HIVEP3: variants seen among roughly 807,000 people sequenced by gnomAD.
HIVEP3 encodes the protein transcription factor HIVEP3.
Under a neutral mutation model 152.8 loss-of-function variants are expected in HIVEP3, and 49 were observed. That is an observed-to-expected ratio of 0.32 (90% CI 0.26 to 0.41). The LOEUF (loss-of-function observed/expected upper bound fraction) is 0.41. Ranked by LOEUF, HIVEP3 falls within the 10% of genes least tolerant of loss-of-function variation. The pLI is 1.00. For missense variants in HIVEP3, 2,790 were observed against 3,103.3 expected, an observed-to-expected ratio of 0.90 and a Z score of 2.40; for synonymous variants, 1,269 against 1,289.0, an observed-to-expected ratio of 0.98 and a Z score of 0.33.
chr1:41,641,358 A>G (rs1038379608), intron 2 of HIVEP3, among the ~76,000 whole-genome samples: 2 of 152,040 alleles, frequency 1.3e-5, no homozygotes, highest in Admixed American at 1.3e-4. Context: ...CTAAGAGGGG[A>G]AGCCTGGTGA....
At chr1:41,630,110 A>G (rs1022671397) in intron 2 of HIVEP3, among the ~76,000 whole-genome samples, 2 of 152,200 alleles carry the variant, frequency 1.3e-5, no homozygotes, top group African/African-American at 4.8e-5. Context: ...AAAGAACAAA[A>G]TCATGTCCTT....
Position 41,511,950 on chromosome 1 carries a change from T to TA in HIVEP3, c.6406-685dup, listed in dbSNP as rs1642435889. On this transcript the variant is annotated intron_variant, in intron 8 of 8. Coordinates refer to ENST00000372583, the MANE Select transcript of HIVEP3 (RefSeq NM_024503.5). The surrounding 1 kb of genome is among the most constrained non-coding windows in gnomAD (Gnocchi z 4.9). ...ACAGTGGTGGTGCTGGCCATGGGGA[T>TA]AGTGCTGATGGTTGACAAGGATGAT... Among the ~76,000 whole-genome samples the TA allele has an allele frequency of 6.6e-6, 1 of 152,060 alleles. No homozygotes were observed. The highest frequency in any genetic ancestry group is 1.5e-5 in the Non-Finnish European group (1 of 68,018).
intron 1 of HIVEP3, among the ~76,000 whole-genome samples, chr1:41,709,050 G>A (rs538483830): frequency 5.8e-4 from 88 of 152,316 alleles, no homozygotes; most frequent in African/African-American, 1.9e-3. Context: ...AGAATCTGGG[G>A]AAGATGTTCC....
At chr1:41,791,316 C>T (rs1649680768) in intron 1 of HIVEP3, among the ~76,000 whole-genome samples, 1 of 152,236 alleles carries the variant, frequency 6.6e-6, no homozygotes, top group South Asian at 2.1e-4. Flanking sequence ...CCCCTTAGCA[C>T]TTTGCTGAAA....
intron 3 of HIVEP3, among the ~76,000 whole-genome samples, chr1:41,622,722 T>C (rs60541895): frequency 0.064 from 9,775 of 152,232 alleles, 875 homozygotes; most frequent in East Asian, 0.41. Context: ...GTCAGATTTG[T>C]GTTTCACGTT....
At chr1:41,728,458 C>T (rs1421321476) in intron 1 of HIVEP3, among the ~76,000 whole-genome samples, 1 of 151,456 alleles carries the variant, frequency 6.6e-6, no homozygotes, top group Non-Finnish European at 1.5e-5. Context: ...GCTGGTTCTG[C>T]CAAGGCGACA....
chr1:41,880,929 A>C (rs1369789477), intron 1 of HIVEP3, among the ~76,000 whole-genome samples: 2 of 152,204 alleles, frequency 1.3e-5, no homozygotes, highest in Non-Finnish European at 2.9e-5. Context: ...TAACCAAACT[A>C]AGGCATAAAG....
chr1:41,769,960 TTTTG>T (rs1023392662), intron 1 of HIVEP3, among the ~76,000 whole-genome samples: 2 of 152,132 alleles, frequency 1.3e-5, no homozygotes, highest in African/African-American at 2.4e-5. Context: ...TAAAATTGTT[TTTTG>T]TTTGTTTGTT....
intron 2 of HIVEP3, among the ~76,000 whole-genome samples, chr1:41,696,844 T>C (rs1299537918): frequency 1.3e-5 from 2 of 152,220 alleles, no homozygotes; most frequent in Non-Finnish European, 2.9e-5. Flanking sequence ...AGGTGAATTT[T>C]TTTTCCTCTA....
At chr1:41,706,206 C>A (rs1236453942) in intron 1 of HIVEP3, among the ~76,000 whole-genome samples, 1 of 152,278 alleles carries the variant, frequency 6.6e-6, no homozygotes, top group East Asian at 1.9e-4. Flanking sequence ...AACCCTTACC[C>A]CCTTTCCTCC....
intron 3 of HIVEP3, among the ~76,000 whole-genome samples, chr1:41,592,599 G>GT (rs1294398821): frequency 6.6e-6 from 1 of 152,184 alleles, no homozygotes; most frequent in African/African-American, 2.4e-5. Context: ...GACTGACTGA[G>GT]AGGTGGACTG....
chr1:41,810,159 C>T (rs1043902127), intron 1 of HIVEP3, among the ~76,000 whole-genome samples: 5 of 152,180 alleles, frequency 3.3e-5, no homozygotes, highest in Admixed American at 6.5e-5. Context: ...GCCCACAAGA[C>T]CTGGACTGAT....
At chr1:42,033,158 C>T (rs990873728) in intron 1 of HIVEP3, among the ~76,000 whole-genome samples, 8 of 152,082 alleles carry the variant, frequency 5.3e-5, no homozygotes, top group African/African-American at 1.9e-4. Context: ...GCCTGACTTC[C>T]CATGATTCTG....
At chr1:41,989,238 T>C (rs557528850) in intron 1 of HIVEP3, among the ~76,000 whole-genome samples, 135 of 152,332 alleles carry the variant, frequency 8.9e-4, no homozygotes, top group African/African-American at 3.2e-3. Flanking sequence ...AAACAAATGA[T>C]AATTATATGT....
intron 1 of HIVEP3, among the ~76,000 whole-genome samples, chr1:41,959,230 A>G (rs1292920429): frequency 2.0e-5 from 3 of 152,210 alleles, no homozygotes; most frequent in African/African-American, 7.2e-5. Context: ...CTTAGAGGAG[A>G]CCAACTGGCT....
intron 3 of HIVEP3, among the ~76,000 whole-genome samples, chr1:41,590,523 A>G (rs943374): frequency 0.5 from 76,329 of 152,124 alleles, 19,949 homozygotes; most frequent in Non-Finnish European, 0.58. Context: ...CACATGGACA[A>G]GAACATCACC....
intron 2 of HIVEP3, among the ~76,000 whole-genome samples, chr1:41,665,566 A>G (rs1645782259): frequency 1.3e-5 from 2 of 151,214 alleles, no homozygotes. Context: ...CTGCTGTTTG[A>G]CAAGGTTGGA....
chr1:41,526,627 TCA>T (rs1350973659), intron 5 of HIVEP3, among the ~76,000 whole-genome samples: 1 of 7,498 alleles, frequency 1.3e-4, no homozygotes, highest in African/African-American at 7.1e-4. Context: ...ACCTTCACCC[TCA>T]CACACACCCT....
intron 1 of HIVEP3, among the ~76,000 whole-genome samples, chr1:41,725,322 T>A (rs67000784): frequency 0.068 from 10,396 of 152,154 alleles, 1,199 homozygotes; most frequent in African/African-American, 0.24. Context: ...CCTCTCCCAG[T>A]CACAGGGACA....
Sources: gnomAD v4.1 joint callset for allele counts (sites outside exome capture counted in the v4.1 genomes callset) on GRCh38, gnomAD v4.1.1 for gene constraint, Gnocchi (gnomAD v3.1) non-coding constraint, MANE v1.5 for transcripts, NCBI Gene and HGNC (gene_info 2026-07-23, HGNC 2026-07-21) for gene names.